The following ATP10B variants were observed in gnomAD, a reference collection of about 807,000 sequenced individuals.
ATP10B encodes phospholipid-transporting ATPase VB.
A neutral mutation model predicts 141.2 loss-of-function variants in ATP10B; 122 were observed. That is an observed-to-expected ratio of 0.86 (90% CI 0.75 to 1.00). ATP10B has a LOEUF of 1.00. Among genes scored for constraint, ATP10B ranks in the 50% least tolerant of loss-of-function variants. The pLI is 0.00. For synonymous variants in ATP10B, 685 were observed against 692.0 expected, an observed-to-expected ratio of 0.99 and a Z score of 0.16; for missense variants, 1,876 against 1,825.3, an observed-to-expected ratio of 1.03 and a Z score of -0.51.
chr5:160,757,662 A>G (rs957014814), intron 2 of ATP10B, among the ~76,000 whole-genome samples: 1 of 152,154 alleles, frequency 6.6e-6, no homozygotes, highest in Non-Finnish European at 1.5e-5. Context: ...AGATAAGCAT[A>G]GGAAGACTGG....
At chr5:160,695,277 CTAATTT>C (rs1251839309) in intron 3 of ATP10B, among the ~76,000 whole-genome samples, 1 of 152,206 alleles carries the variant, frequency 6.6e-6, no homozygotes, top group Non-Finnish European at 1.5e-5. Flanking sequence ...TGACTCCACT[CTAATTT>C]TTAGTCTAGT....
rs1268246705 is a variant in ATP10B, at chr5:160,564,384, C to G, written c.*1069G>C. The G allele has an allele frequency of 6.6e-6, 1 of 152,056 alleles. No homozygotes were observed. The highest frequency in any genetic ancestry group is 2.4e-5 in the African/African-American group (1 of 41,408). 9.4% of individuals were successfully genotyped at this position (152,056 alleles called of 1,614,324 possible). ...AGGAAGTCTATATAATCCTTCTTTT[C>G]CCTGTGAAGTGACACTTGCTCTGAC... is the stretch of plus-strand genomic sequence containing the variant. On this transcript the variant is annotated 3_prime_UTR_variant, in exon 26 of 26. Coordinates refer to ENST00000327245, the MANE Select transcript of ATP10B (RefSeq NM_025153.3).
At chr5:160,873,916 G>A in the ATP10B span, among the ~76,000 whole-genome samples, 323 of 152,356 alleles carry the variant, frequency 2.1e-3, no homozygotes, top group African/African-American at 7.4e-3. Flanking sequence ...TGCTAGCACA[G>A]CAGTCTGAGA....
At chr5:160,857,517 G>C in the ATP10B span, among the ~76,000 whole-genome samples, 1 of 151,452 alleles carries the variant, frequency 6.6e-6, no homozygotes, top group Non-Finnish European at 1.5e-5. Flanking sequence ...TTCAATTTTA[G>C]GGATTTCTGT....
intron 1 of ATP10B, among the ~76,000 whole-genome samples, chr5:160,805,448 T>TA (rs1772705620): frequency 6.6e-6 from 1 of 152,232 alleles, no homozygotes; most frequent in African/African-American, 2.4e-5. Flanking sequence ...ACTGAGGTTT[T>TA]AAGCTGTCTG....
chr5:160,857,593 T>C, the ATP10B span, among the ~76,000 whole-genome samples: 3 of 151,918 alleles, frequency 2.0e-5, no homozygotes, highest in South Asian at 2.1e-4. Context: ...ATTTCTGAGA[T>C]GGAAGCTTAG....
chr5:160,660,595 G>A (rs1191333734), intron 7 of ATP10B, among the ~76,000 whole-genome samples: 1 of 152,098 alleles, frequency 6.6e-6, no homozygotes, highest in Non-Finnish European at 1.5e-5. Context: ...ACTTCACGAA[G>A]GGAAATTTTT....
chr5:160,802,557 C>A (rs532539278), intron 1 of ATP10B, among the ~76,000 whole-genome samples: 6 of 152,320 alleles, frequency 3.9e-5, no homozygotes, highest in Non-Finnish European at 5.9e-5. Flanking sequence ...ATCTCCCCAA[C>A]AAAACATCAG....
At chr5:160,884,609 ATTAT>A in the ATP10B span, among the ~76,000 whole-genome samples, 2 of 152,126 alleles carry the variant, frequency 1.3e-5, no homozygotes, top group Admixed American at 6.5e-5. Flanking sequence ...GGCAGGCGTC[ATTAT>A]TTATTTAGAG....
chr5:160,625,832 ATAC>A (rs966069767), intron 13 of ATP10B, among the ~76,000 whole-genome samples: 25 of 152,230 alleles, frequency 1.6e-4, no homozygotes, highest in African/African-American at 5.8e-4. Flanking sequence ...CCTTTCTAGG[ATAC>A]CACAATAGCT....
intron 2 of ATP10B, among the ~76,000 whole-genome samples, chr5:160,723,020 G>A (rs976988643): frequency 1.3e-5 from 2 of 152,204 alleles, no homozygotes; most frequent in African/African-American, 2.4e-5. Context: ...CCAAGGCATA[G>A]CATACACAGA....
At chr5:160,670,736 G>A in intron 6 of ATP10B, 69 bp from the exon 7 acceptor site, 1 of 1,432,288 alleles carries the variant, frequency 7.0e-7, no homozygotes, top group Non-Finnish European at 9.7e-7. Flanking sequence ...AAAGAATAGA[G>A]GAAGGTCCCA....
intron 2 of ATP10B, among the ~76,000 whole-genome samples, chr5:160,771,192 A>G (rs1242044455): frequency 1.3e-5 from 2 of 152,204 alleles, no homozygotes. Context: ...GGCAAAATGT[A>G]TCCTTAAACT....
chr5:160,694,218 G>T (rs995768652), intron 3 of ATP10B, among the ~76,000 whole-genome samples: 14 of 152,152 alleles, frequency 9.2e-5, no homozygotes, highest in Admixed American at 7.2e-4. Context: ...AGTGGAACAG[G>T]AAACAAAGAG....
intron 8 of ATP10B, 137 bp downstream of exon 8, chr5:160,649,034 C>G: frequency 2.4e-6 from 1 of 412,746 alleles, no homozygotes. Context: ...TTAAATTTCT[C>G]TAGTCCCTCT....
chr5:160,864,801 A>G, the ATP10B span, among the ~76,000 whole-genome samples: 1 of 151,882 alleles, frequency 6.6e-6, no homozygotes, highest in African/African-American at 2.4e-5. Flanking sequence ...CAAATCGAAA[A>G]CTCAATCCCT....
chr5:160,616,794 C>T (rs1051297783), intron 16 of ATP10B, among the ~76,000 whole-genome samples: 2 of 152,142 alleles, frequency 1.3e-5, no homozygotes, highest in South Asian at 2.1e-4. Context: ...ATGCATAGTC[C>T]ATTAGGGGAG....
chr5:160,737,071 G>A (rs772749840), intron 2 of ATP10B, among the ~76,000 whole-genome samples: 63 of 152,114 alleles, frequency 4.1e-4, no homozygotes, highest in Non-Finnish European at 6.9e-4. Context: ...GACCAAGTGG[G>A]ATTTATCCCT....
chr5:160,825,887 T>C (rs1774564260), intron 1 of ATP10B, among the ~76,000 whole-genome samples: 1 of 152,208 alleles, frequency 6.6e-6, no homozygotes, highest in African/African-American at 2.4e-5. Context: ...TAGCTCCAAT[T>C]TATAAGTGAG....
Sources: gnomAD v4.1 joint callset for allele counts (sites outside exome capture counted in the v4.1 genomes callset) on GRCh38, gnomAD v4.1.1 for gene constraint, MANE v1.5 for transcripts, NCBI Gene and HGNC (gene_info 2026-07-23, HGNC 2026-07-21) for gene names.